The following PATJ variants were observed in gnomAD, a reference collection of about 807,000 sequenced individuals.
The protein encoded by PATJ is inaD-like protein.
Under a neutral mutation model 224.9 loss-of-function variants are expected in PATJ, and 190 were observed. The ratio of observed to expected loss-of-function variants is 0.84; its 90% CI spans 0.75 to 0.95. PATJ has a LOEUF of 0.95. Ranked by LOEUF, PATJ falls within the 40% of genes least tolerant of loss-of-function variation. PATJ has a pLI of 0.00. For missense variants in PATJ, 2,121 were observed against 2,270.3 expected, an observed-to-expected ratio of 0.93 and a Z score of 1.34; for synonymous variants, 769 against 820.3, an observed-to-expected ratio of 0.94 and a Z score of 1.07.
intron 27 of PATJ, among the ~76,000 whole-genome samples, chr1:61,961,306 T>C (rs1229315720): frequency 6.6e-6 from 1 of 152,168 alleles, no homozygotes; most frequent in East Asian, 1.9e-4. Context: ...CCAATCATGG[T>C]TGACTGTGTT....
chr1:61,973,976 T>G (rs1306397866), intron 27 of PATJ, among the ~76,000 whole-genome samples: 1 of 151,710 alleles, frequency 6.6e-6, no homozygotes, highest in East Asian at 1.9e-4. Flanking sequence ...TGCATAAGAA[T>G]TTCATAAAGA....
intron 39 of PATJ, among the ~76,000 whole-genome samples, chr1:62,125,967 C>T (rs1016180181): frequency 1.3e-5 from 2 of 152,170 alleles, no homozygotes; most frequent in South Asian, 2.1e-4. Flanking sequence ...GACAGGGTTT[C>T]GCCATGCTGG....
chr1:62,015,537 G>A (rs116106884), intron 28 of PATJ, among the ~76,000 whole-genome samples: 1,883 of 151,530 alleles, frequency 0.012, 41 homozygotes, highest in African/African-American at 0.042. Flanking sequence ...TGATGATTTC[G>A]TGTGTGTGTG....
intron 31 of PATJ, among the ~76,000 whole-genome samples, chr1:62,063,186 G>A (rs530906235): frequency 6.6e-6 from 1 of 152,216 alleles, no homozygotes; most frequent in Non-Finnish European, 1.5e-5. Flanking sequence ...TTTATGTATG[G>A]TACTAGAAGG....
At chr1:61,835,868 A>G (rs1660097455) in intron 17 of PATJ, among the ~76,000 whole-genome samples, 1 of 152,230 alleles carries the variant, frequency 6.6e-6, no homozygotes, top group Non-Finnish European at 1.5e-5. Context: ...TTTAATTTAG[A>G]AGATACCTTT....
intron 17 of PATJ, among the ~76,000 whole-genome samples, chr1:61,835,224 T>C (rs1191240203): frequency 2.0e-5 from 3 of 152,188 alleles, no homozygotes; most frequent in Non-Finnish European, 4.4e-5. Context: ...AGTTAAGCAT[T>C]TGCAAGTTTA....
intron 27 of PATJ, among the ~76,000 whole-genome samples, chr1:61,976,613 G>C (rs1456520268): frequency 1.3e-5 from 2 of 151,924 alleles, no homozygotes; most frequent in Non-Finnish European, 2.9e-5. Context: ...TCTCCATCTT[G>C]GCCAGGCTGG....
chr1:61,871,555 ATAT>A (rs1220014278), intron 20 of PATJ, among the ~76,000 whole-genome samples: 1,118 of 58,064 alleles, frequency 0.019, 26 homozygotes, highest in South Asian at 0.045. Flanking sequence ...ATATATATAT[ATAT>A]TTTTTTTTTT....
At chr1:62,046,961 C>T (rs1652679997) in intron 30 of PATJ, among the ~76,000 whole-genome samples, 1 of 152,104 alleles carries the variant, frequency 6.6e-6, no homozygotes, top group Admixed American at 6.5e-5. Flanking sequence ...TTGACGCATC[C>T]CTTAAACAGC....
intron 35 of PATJ, among the ~76,000 whole-genome samples, chr1:62,115,340 T>A (rs537177538): frequency 6.6e-6 from 1 of 151,810 alleles, no homozygotes; most frequent in African/African-American, 2.4e-5. Flanking sequence ...AAAAGAGGTA[T>A]ATGTTGCCTA....
chr1:62,095,690 A>C (rs903533387), intron 33 of PATJ, among the ~76,000 whole-genome samples: 2 of 152,004 alleles, frequency 1.3e-5, no homozygotes, highest in Non-Finnish European at 2.9e-5. Flanking sequence ...TTTTTTTTGT[A>C]AAGTATCACC....
chr1:61,977,164 T>C lies in PATJ; in HGVS notation c.3671-13004T>C, dbSNP rs779775007. 1.2e-4 allele frequency among the ~76,000 whole-genome samples: 19 copies of C among 152,100 alleles called. 1 individual carries two copies. The highest frequency in any genetic ancestry group is 2.2e-4 in the Non-Finnish European group (15 of 68,040). ...GTGTAGTGGCGTGATCATGGCTTAC[T>C]ATATCCTCCACCTCCCAGGCTCAAG... On this transcript the variant is annotated intron_variant, in intron 27 of 43. Transcript: ENST00000642238.
At chr1:61,901,683 CA>C (rs1460876132) in intron 24 of PATJ, among the ~76,000 whole-genome samples, 1 of 151,926 alleles carries the variant, frequency 6.6e-6, no homozygotes, top group African/African-American at 2.4e-5. Context: ...CAGCTGATTG[CA>C]AAAAAACACT....
chr1:61,772,484 C>T (rs560534893), intron 6 of PATJ, among the ~76,000 whole-genome samples: 1 of 152,122 alleles, frequency 6.6e-6, no homozygotes, highest in Non-Finnish European at 1.5e-5. Context: ...TTTTGGCTTG[C>T]ATCGTCAGAA....
chr1:61,864,177 C>A (rs887328762), intron 19 of PATJ, 61 bp from the exon 20 acceptor site: 2 of 1,442,824 alleles, frequency 1.4e-6, no homozygotes, highest in African/African-American at 1.4e-5. Flanking sequence ...TCCAGTTTAT[C>A]TATATAGTGC....
intron 31 of PATJ, among the ~76,000 whole-genome samples, chr1:62,070,883 G>A (rs186476597): frequency 6.6e-6 from 1 of 152,282 alleles, no homozygotes; most frequent in African/African-American, 2.4e-5. Context: ...CTTTCAGGTT[G>A]TAAACCAATG....
chr1:61,907,152 G>A lies in PATJ; in HGVS notation c.3382-1220G>A, dbSNP rs116892820. 1.2e-3 allele frequency among the ~76,000 whole-genome samples: 187 copies of A among 152,208 alleles called. 5 individuals carry two copies. In the East Asian group the frequency reaches 0.032, roughly 26 times the overall value. On this transcript the variant is annotated intron_variant, in intron 24 of 43. Transcript: ENST00000642238. ...TTGTAAGTTTCCTGAGGCCGCCCCA[G>A]CCATACAGAACCATGAGATAATTAA...
intron 14 of PATJ, among the ~76,000 whole-genome samples, chr1:61,814,519 A>AGT (rs67159092): frequency 0.028 from 4,097 of 144,014 alleles, 143 homozygotes; most frequent in African/African-American, 0.073. Context: ...CCTTTTGTTT[A>AGT]GTGTGTGTGT....
At chr1:61,828,779 A>C (rs1345704883) in intron 16 of PATJ, among the ~76,000 whole-genome samples, 2 of 152,066 alleles carry the variant, frequency 1.3e-5, no homozygotes, top group Non-Finnish European at 2.9e-5. Context: ...AATCTCTTTT[A>C]GGTTGTAATT....
Sources: allele counts gnomAD v4.1 joint callset (sites outside exome capture counted in the v4.1 genomes callset), GRCh38; gene constraint gnomAD v4.1.1; transcripts MANE v1.5; gene names NCBI Gene and HGNC (gene_info 2026-07-23, HGNC 2026-07-21).